Variants in AKAP13 observed in about 807,000 individuals in gnomAD.
AKAP13 encodes the protein A-kinase anchoring protein 13, also known as A-kinase anchor protein 13.
In AKAP13, 80 loss-of-function variants were observed where a neutral mutation model predicts 264.5. The observed-to-expected ratio is 0.30, with a 90% confidence interval of 0.25 to 0.36. AKAP13 has a LOEUF of 0.36. Ranked by LOEUF, AKAP13 falls within the 10% of genes least tolerant of loss-of-function variation. The probability of loss-of-function intolerance (pLI) is 1.00; values close to 1 mark genes in which losing one functional copy is unlikely to be tolerated. For synonymous variants in AKAP13, 1,380 were observed against 1,250.2 expected (o/e 1.10, Z -2.19); for missense variants, 3,712 against 3,435.2 (o/e 1.08, Z -2.01).
chr15:85,678,691 GTC>G (rs1393138093), intron 14 of AKAP13, among the ~76,000 whole-genome samples: 1 of 151,768 alleles, frequency 6.6e-6, no homozygotes, highest in Non-Finnish European at 1.5e-5. Flanking sequence ...ACGAAACCAT[GTC>G]TCTACTAAAA....
intron 1 of AKAP13, among the ~76,000 whole-genome samples, chr15:85,481,538 G>GT (rs1255439640): frequency 6.6e-6 from 1 of 152,134 alleles, no homozygotes; most frequent in Admixed American, 6.5e-5. Context: ...TATTAAATTT[G>GT]TTTTTTCTCA....
At position 85,741,420 on chromosome 15, in the gene AKAP13, T is replaced by G. The variant is rs758723131; in HGVS notation, c.7983T>G (p.Leu2661=). ...GACTGCGTGCTGCCCAGAAACAGCT[T>G]GAGAGGGAACAGGAGCAGCTGCGCC... ...LERLRAAQKQ[L]EREQEQLRRE... Residue 2661 remains leucine (L), a synonymous_variant, in exon 35 of 37, where the codon CTT becomes CTG. Transcript: ENST00000394518. The G allele has an allele frequency of 6.2e-7, 1 of 1,612,572 alleles. No individual in the cohort carries two copies. Among genetic ancestry groups the G allele is most frequent in the East Asian group, 2.2e-5 (1 of 44,816 alleles).
At chr15:85,615,111 G>A (rs1052607847) in intron 8 of AKAP13, among the ~76,000 whole-genome samples, 2 of 152,152 alleles carry the variant, frequency 1.3e-5, no homozygotes, top group African/African-American at 2.4e-5. Flanking sequence ...ACAAGTTTAC[G>A]AAGATACTTT....
intron 1 of AKAP13, among the ~76,000 whole-genome samples, chr15:85,426,222 A>C (rs367808510): frequency 1.5e-4 from 23 of 152,346 alleles, no homozygotes; most frequent in African/African-American, 5.3e-4. Context: ...CACTTAGTCT[A>C]AATGTAAGGT....
intron 31 of AKAP13, 52 bp downstream of exon 31, chr15:85,735,202 A>G: frequency 6.3e-7 from 1 of 1,577,934 alleles, no homozygotes; most frequent in Non-Finnish European, 8.6e-7. Context: ...ACTATCTCAC[A>G]CAACTCAAAA....
chr15:85,392,986 G>A (rs34969978), intron 1 of AKAP13, among the ~76,000 whole-genome samples: 75,051 of 151,982 alleles, frequency 0.49, 21,189 homozygotes, highest in Non-Finnish European at 0.66. Flanking sequence ...GACAAATTTG[G>A]CATTTTCAGT....
intron 1 of AKAP13, among the ~76,000 whole-genome samples, chr15:85,421,632 T>C (rs1310728988): frequency 6.6e-6 from 1 of 152,274 alleles, no homozygotes; most frequent in Non-Finnish European, 1.5e-5. Context: ...TTTTTTTCTT[T>C]GCCCTTCTCT....
chr15:85,385,388 A>G (rs1339758334), intron 1 of AKAP13, among the ~76,000 whole-genome samples: 1 of 152,144 alleles, frequency 6.6e-6, no homozygotes, highest in Non-Finnish European at 1.5e-5. Flanking sequence ...TTAATTATTC[A>G]TATGTATAGT....
intron 8 of AKAP13, among the ~76,000 whole-genome samples, chr15:85,618,137 A>G (rs1193714208): frequency 6.6e-6 from 1 of 152,210 alleles, no homozygotes; most frequent in Non-Finnish European, 1.5e-5. Context: ...GCTGGGGTGT[A>G]TTAATAGAAA....
At chr15:85,663,871 A>G (rs1195549127) in intron 12 of AKAP13, among the ~76,000 whole-genome samples, 2 of 152,180 alleles carry the variant, frequency 1.3e-5, no homozygotes, top group African/African-American at 2.4e-5. Context: ...CCCTTTACCA[A>G]TATCCAGGCA....
Position 85,708,236 on chromosome 15 carries a change from T to A in AKAP13, c.5532+150T>A. ...AGAACAAATTATAACTAAAAAATATTTTTTCTCTTAAGCGATCAATCTTCT... is the reference window on the plus strand; with the variant it reads ...AGAACAAATTATAACTAAAAAATATATTTTCTCTTAAGCGATCAATCTTCT... On this transcript the variant is annotated intron_variant, in intron 18 of 36. Coordinates refer to ENST00000394518, the MANE Select transcript of AKAP13 (RefSeq NM_007200.5). The surrounding 1 kb of genome is among the most constrained non-coding windows in gnomAD (Gnocchi z 4.3). The A allele has an allele frequency of 5.9e-6, 4 of 675,528 alleles. No homozygotes were observed. The highest frequency in any genetic ancestry group is 9.5e-6 in the Non-Finnish European group (4 of 420,430). The allele number at this position is 675,528 out of a possible 1,614,324, so 41.8% of individuals were successfully genotyped here.
chr15:85,534,271 G>A (rs984074784), intron 4 of AKAP13: 8 of 224,274 alleles, frequency 3.6e-5, no homozygotes, highest in Non-Finnish European at 6.9e-5. Context: ...AAGATAGCCT[G>A]GAAGTGAAGG....
In AKAP13 at chr15:85,433,369, C is replaced by T. The variant is rs565885627; in HGVS notation, c.-11-52341C>T. On this transcript the variant is annotated intron_variant, in intron 1 of 36. Transcript: ENST00000394518. ...TTATCCAAAATGCTTGTGACCACTT[C>T]TTATTTCATTCCCATCATCTAAGTA... Among the ~76,000 whole-genome samples the T allele has an allele frequency of 1.5e-4, 23 of 152,228 alleles. No individual in the cohort carries two copies. In the South Asian group the frequency reaches 4.6e-3, roughly 30 times the overall value.
chr15:85,617,530 G>A (rs562668488), intron 8 of AKAP13, among the ~76,000 whole-genome samples: 8 of 152,258 alleles, frequency 5.3e-5, no homozygotes, highest in East Asian at 1.9e-4. Context: ...GTGAGCCACC[G>A]CGCCCAGCCG....
chr15:85,671,300 G>A (rs1359834650), intron 14 of AKAP13, among the ~76,000 whole-genome samples: 2 of 151,964 alleles, frequency 1.3e-5, no homozygotes, highest in Non-Finnish European at 2.9e-5. Context: ...AGCCAGACAT[G>A]CTGACACATG....
intron 19 of AKAP13, among the ~76,000 whole-genome samples, chr15:85,711,312 A>C (rs2086624873): frequency 6.6e-6 from 1 of 152,224 alleles, no homozygotes; most frequent in Non-Finnish European, 1.5e-5. Context: ...TCACCAGTGC[A>C]TAGAAGACTC....
chr15:85,442,924 A>G (rs552372775), intron 1 of AKAP13, among the ~76,000 whole-genome samples: 1 of 152,280 alleles, frequency 6.6e-6, no homozygotes, highest in South Asian at 2.1e-4. Context: ...TGAAGCATTA[A>G]AATTACATTA....
chr15:85,483,881 A>G (rs1292105389), intron 1 of AKAP13, among the ~76,000 whole-genome samples: 1 of 152,164 alleles, frequency 6.6e-6, no homozygotes, highest in Admixed American at 6.5e-5. Flanking sequence ...ATCAGCTATT[A>G]TTAGTGTTAG....
In AKAP13 at chr15:85,720,295, A is replaced by C. The variant is rs997012178; in HGVS notation, c.6252+969A>C. ...GTGTGTGTGTGTGTGTGTGTGTTGG[A>C]AATCTTCAACTTTCCCCTCTGCCTC... On this transcript the variant is annotated intron_variant, in intron 23 of 36. Transcript: ENST00000394518. Among the ~76,000 whole-genome samples, 8 of 150,316 alleles carry C rather than the reference A, an allele frequency of 5.3e-5. No homozygotes were observed. The South Asian group carries it at 1.0e-3, about 20-fold the overall frequency.
Sources: gnomAD v4.1 joint callset for allele counts (sites outside exome capture counted in the v4.1 genomes callset) on GRCh38, gnomAD v4.1.1 for gene constraint, Gnocchi (gnomAD v3.1) non-coding constraint, MANE v1.5 for transcripts, NCBI Gene and HGNC (gene_info 2026-07-23, HGNC 2026-07-21) for gene names.